Variants in CAMTA1 observed in about 807,000 individuals in gnomAD.
CAMTA1 encodes the protein calmodulin-binding transcription activator 1.
A neutral mutation model predicts 170.9 loss-of-function variants in CAMTA1; 27 were observed. The ratio of observed to expected loss-of-function variants is 0.16; its 90% CI spans 0.12 to 0.22. The LOEUF (loss-of-function observed/expected upper bound fraction) is 0.22, where lower values mean the gene tolerates loss of function less well. Ranked by LOEUF, CAMTA1 falls within the 10% of genes least tolerant of loss-of-function variation. The pLI is 1.00. For synonymous variants in CAMTA1, 833 were observed against 891.5 expected (o/e 0.93, Z 1.17); for missense variants, 1,619 against 2,217.2 (o/e 0.73, Z 5.42).
intron 6 of CAMTA1, among the ~76,000 whole-genome samples, chr1:7,614,359 T>C (rs1196516101): frequency 1.3e-5 from 2 of 151,950 alleles, no homozygotes; most frequent in African/African-American, 4.8e-5. Context: ...CATCTCCTGC[T>C]CACACAAAAC....
At chr1:6,995,290 C>CTTTTTTTTTTTTTTTTTT (rs1212463100) in intron 3 of CAMTA1, among the ~76,000 whole-genome samples, 1 of 82,280 alleles carries the variant, frequency 1.2e-5, no homozygotes, top group African/African-American at 4.8e-5. Context: ...TCTTTTTTTT[C>CTTTTTTTTTTTTTTTTTT]TTTTCTTTTT....
intron 4 of CAMTA1, among the ~76,000 whole-genome samples, chr1:7,229,721 G>T (rs1474341530): frequency 6.6e-6 from 1 of 151,936 alleles, no homozygotes; most frequent in Non-Finnish European, 1.5e-5. Flanking sequence ...GAGGGCGGGG[G>T]TTGGGCCTCA....
Position 7,738,851 on chromosome 1 carries a change from T to C in CAMTA1, c.4182+369T>C, listed in dbSNP as rs2096789796. The stretch of plus-strand genomic sequence containing the variant: ...TTAGAATATAGTCAAGACCTAAAAA[T>C]AGCTAGAACAGGAAGCCCGTGGATA... On this transcript the variant is annotated intron_variant, in intron 16 of 22. Coordinates refer to ENST00000303635, the MANE Select transcript of CAMTA1 (RefSeq NM_015215.4). The surrounding 1 kb of genome is among the most constrained non-coding windows in gnomAD (Gnocchi z 4.9). Among the ~76,000 whole-genome samples the C allele has an allele frequency of 6.6e-6, 1 of 152,050 alleles. No individual in the cohort carries two copies. The highest frequency in any genetic ancestry group is 1.9e-4 in the East Asian group (1 of 5,180).
At chr1:7,069,126 T>C (rs1417391556) in intron 3 of CAMTA1, among the ~76,000 whole-genome samples, 2 of 152,174 alleles carry the variant, frequency 1.3e-5, no homozygotes, top group East Asian at 1.9e-4. Context: ...TCCGGCCATG[T>C]CTTTATTTTA....
intron 22 of CAMTA1, among the ~76,000 whole-genome samples, chr1:7,762,110 C>A (rs552597986): frequency 7.2e-5 from 11 of 152,134 alleles, no homozygotes; most frequent in African/African-American, 2.7e-4. Context: ...TATGACTGTT[C>A]CACTGCACTC....
intron 11 of CAMTA1, among the ~76,000 whole-genome samples, chr1:7,683,107 G>A (rs1397418215): frequency 1.3e-5 from 2 of 151,324 alleles, no homozygotes; most frequent in East Asian, 1.9e-4. Context: ...CCCGGGAGGC[G>A]GAGCTTGCAG....
chr1:6,838,978 A>G (rs1409663054), intron 3 of CAMTA1, among the ~76,000 whole-genome samples: 1 of 152,044 alleles, frequency 6.6e-6, no homozygotes, highest in Non-Finnish European at 1.5e-5. Flanking sequence ...GCTGGTCTTG[A>G]ATTCCTGGCC....
chr1:7,663,967 C>G lies in CAMTA1; in HGVS notation c.1420C>G (p.Arg474Gly). 3 of 1,613,830 alleles carry G rather than the reference C, an allele frequency of 1.9e-6. No homozygotes were observed. In the South Asian group the frequency reaches 3.3e-5, roughly 18 times the overall value. The change falls in exon 9 of 23, where the codon CGG (arginine) becomes GGG (glycine). Residue 474 changes from arginine (R) to glycine (G), a missense_variant. Physicochemically the swap from Arg to Gly is moderately radical, Grantham distance 125 (BLOSUM62 -2). Transcript: ENST00000303635. ...CCTCTCCACCACCCTCGACGGTGGCCGGAAGATTCCAGAAACCACCATGAA... is the reference window on the plus strand; with the variant it reads ...CCTCTCCACCACCCTCGACGGTGGCGGGAAGATTCCAGAAACCACCATGAA... ...LVLSTTLDGG[R>G]KIPETTMNFD...
intron 1 of CAMTA1, among the ~76,000 whole-genome samples, chr1:6,819,608 A>G (rs1369604122): frequency 6.6e-6 from 1 of 152,242 alleles, no homozygotes; most frequent in Non-Finnish European, 1.5e-5. Context: ...CATTTAAACA[A>G]ATTACACAAG....
chr1:7,051,701 TC>T (rs1469636577), intron 3 of CAMTA1, among the ~76,000 whole-genome samples: 1 of 152,080 alleles, frequency 6.6e-6, no homozygotes, highest in African/African-American at 2.4e-5. Flanking sequence ...CAGGACAGAC[TC>T]ATCCCTGTTT....
intron 5 of CAMTA1, among the ~76,000 whole-genome samples, chr1:7,276,303 A>ATATATATATTTTTTTTTTTTTTTT: frequency 1.2e-4 from 3 of 24,226 alleles, no homozygotes; most frequent in Non-Finnish European, 1.8e-4. Context: ...ATATATATAT[A>ATATATATATTTTTTTTTTTTTTTT]TTTTTTTTTT....
intron 3 of CAMTA1, among the ~76,000 whole-genome samples, chr1:6,940,790 C>T (rs1388573212): frequency 6.7e-6 from 1 of 148,750 alleles, no homozygotes; most frequent in African/African-American, 2.5e-5. Context: ...GGCAGGTGTC[C>T]ACACAGCCCC....
intron 3 of CAMTA1, among the ~76,000 whole-genome samples, chr1:6,874,889 T>C (rs1669394866): frequency 6.6e-6 from 1 of 152,144 alleles, no homozygotes; most frequent in Non-Finnish European, 1.5e-5. Context: ...TGTTGAACTG[T>C]TTCAAGGTTT....
chr1:7,141,620 C>T (rs1645895283), intron 4 of CAMTA1, among the ~76,000 whole-genome samples: 1 of 152,232 alleles, frequency 6.6e-6, no homozygotes, highest in African/African-American at 2.4e-5. Context: ...CATCAGCACA[C>T]TCAGCGTTAC....
Position 7,229,590 on chromosome 1 carries a change from G to A in CAMTA1, c.303-19901G>A, listed in dbSNP as rs534541539. Among the ~76,000 whole-genome samples the A allele has an allele frequency of 3.3e-3, 410 of 122,866 alleles. 2 individuals are homozygous for A. Among genetic ancestry groups the A allele is most frequent in the African/African-American group, 0.012 (391 of 31,932 alleles). 80.6% of individuals were successfully genotyped at this position (122,866 alleles called of 152,430 possible). A position where few individuals can be genotyped will look rare whatever the true frequency, so the allele number is the denominator to read the frequency against. On this transcript the variant is annotated intron_variant, in intron 4 of 22. Transcript: ENST00000303635. ...GGGAGAGGAGGGTGAGGAGAGGAGG[G>A]GAGGGCAGGAGGAGGGGAGGCTAGG...
chr1:7,300,569 C>T lies in CAMTA1; in HGVS notation c.438+50943C>T, dbSNP rs761253747. Among the ~76,000 whole-genome samples the T allele has an allele frequency of 2.1e-4, 32 of 151,862 alleles. No homozygotes were observed. Among genetic ancestry groups the T allele is most frequent in the Non-Finnish European group, 3.7e-4 (25 of 67,984 alleles). On this transcript the variant is annotated intron_variant, in intron 5 of 22. Transcript: ENST00000303635. The surrounding 1 kb of genome is among the most constrained non-coding windows in gnomAD (Gnocchi z 4.1). Reference sequence around the variant, plus strand: ...GTAGGCATCTGTAACCCCAGCTATTCGGGAGGCTGAGGTAGGAGAATCACT... The same window carrying T: ...GTAGGCATCTGTAACCCCAGCTATTTGGGAGGCTGAGGTAGGAGAATCACT...
chr1:6,854,207 G>A lies in CAMTA1; in HGVS notation c.234+28997G>A, dbSNP rs184823391. Among the ~76,000 whole-genome samples, 2 of 152,314 alleles carry A rather than the reference G, an allele frequency of 1.3e-5. 1 individual carries two copies. Among genetic ancestry groups the A allele is most frequent in the East Asian group, 3.9e-4 (2 of 5,186 alleles). ...TGGAAAATTCCTGTCTCGTAGGGAT[G>A]TCATAGTGTCATAGTGTAACACATT... On this transcript the variant is annotated intron_variant, in intron 3 of 22. Transcript: ENST00000303635.
intron 6 of CAMTA1, among the ~76,000 whole-genome samples, chr1:7,569,735 TCAG>T (rs531211529): frequency 3.9e-4 from 59 of 149,868 alleles, no homozygotes; most frequent in Admixed American, 1.5e-3. Context: ...AACATAACCA[TCAG>T]CAGCAGCATC....
chr1:7,674,046 A>C lies in CAMTA1; in HGVS notation c.2779+3009A>C, dbSNP rs1226032139. Among the ~76,000 whole-genome samples, 4 of 152,186 alleles carry C rather than the reference A, an allele frequency of 2.6e-5. No homozygotes were observed. Among genetic ancestry groups the C allele is most frequent in the African/African-American group, 7.2e-5 (3 of 41,440 alleles). On this transcript the variant is annotated intron_variant, in intron 10 of 22. Transcript: ENST00000303635. The surrounding 1 kb of genome is among the most constrained non-coding windows in gnomAD (Gnocchi z 4.1). Reference sequence around the variant, plus strand: ...CTGAGGCTGAGCTCGAAGGATGAACACTTGGAAGTCAGAATCAAACTGGCC... The same window carrying C: ...CTGAGGCTGAGCTCGAAGGATGAACCCTTGGAAGTCAGAATCAAACTGGCC...
Sources: allele counts gnomAD v4.1 joint callset (sites outside exome capture counted in the v4.1 genomes callset), GRCh38; gene constraint gnomAD v4.1.1; non-coding constraint Gnocchi (gnomAD v3.1); transcripts MANE v1.5; gene names NCBI Gene and HGNC (gene_info 2026-07-23, HGNC 2026-07-21).